Variants in C19orf44 observed in about 807,000 individuals in gnomAD.
C19orf44 encodes the protein chromosome 19 open reading frame 44, also known as uncharacterized protein C19orf44.
A neutral mutation model predicts 50.7 loss-of-function variants in C19orf44; 43 were observed. The observed-to-expected ratio is 0.85, with a 90% CI of 0.66 to 1.09. The LOEUF (loss-of-function observed/expected upper bound fraction) is 1.09, where lower values mean the gene tolerates loss of function less well. C19orf44 is among the 50% of genes least tolerant of loss of function. C19orf44 has a pLI of 0.00. For synonymous variants in C19orf44, 298 were observed against 334.7 expected (o/e 0.89, Z 1.20); for missense variants, 722 against 836.2 (o/e 0.86, Z 1.68).
At chr19:16,510,119 G>A (rs779300586) in intron 5 of C19orf44, 131 bp downstream of exon 5, 10 of 1,445,618 alleles carry the variant, frequency 6.9e-6, no homozygotes, top group Non-Finnish European at 9.5e-6. Context: ...ATCACCTGGA[G>A]GGGTTGGCCA....
intron 8 of C19orf44, 55 bp downstream of exon 8, chr19:16,517,396 C>G: frequency 1.5e-6 from 2 of 1,301,348 alleles, no homozygotes; most frequent in Non-Finnish European, 2.2e-6. Context: ...TAGAGCTCAT[C>G]AGTGTCCAAG....
chr19:16,520,215 C>G lies in C19orf44; in HGVS notation c.*162C>G. ...TGGGGAGTACGACTTGGACCGGGAC[C>G]GCGACTGGGACCGGGAGCGGCTTCT... On this transcript the variant is annotated 3_prime_UTR_variant, in exon 9 of 9. Transcript: ENST00000221671. This position sits in a 1 kb window ranked among gnomAD's most constrained non-coding sequence, Gnocchi z 4.0. The G allele has an allele frequency of 6.2e-7, 1 of 1,613,376 alleles. No individual in the cohort carries two copies. The highest frequency in any genetic ancestry group is 8.5e-7 in the Non-Finnish European group (1 of 1,179,998).
At position 16,503,375 on chromosome 19, in the gene C19orf44, T is replaced by C. The variant is rs1462229090; in HGVS notation, c.1070T>C (p.Leu357Pro). The C allele has an allele frequency of 1.2e-6, 2 of 1,607,800 alleles. No homozygotes were observed. Among genetic ancestry groups the C allele is most frequent in the South Asian group, 2.2e-5 (2 of 90,630 alleles). Reference sequence around the variant, plus strand: ...GTCTCAGAAGGTGCTGATGACAGCCTCGACGGTAATCCCAGTCCCGGTGCA... The same window carrying C: ...GTCTCAGAAGGTGCTGATGACAGCCCCGACGGTAATCCCAGTCCCGGTGCA... ...EPVSEGADDS[L>P]DEFRINILSL... The change falls in exon 3 of 9, where the codon CTC becomes CCC. Residue 357 changes from leucine (L) to proline (P), a missense_variant. Physicochemically the swap from Leu to Pro is moderately conservative, Grantham distance 98. Coordinates refer to ENST00000221671, the MANE Select transcript of C19orf44 (RefSeq NM_032207.4).
Position 16,509,551 on chromosome 19 carries a change from C to T in C19orf44, c.1202C>T (p.Ala401Val), listed in dbSNP as rs757300301. 6.9e-6 allele frequency: 11 copies of T among 1,585,258 alleles called. No homozygotes were observed. Among genetic ancestry groups the T allele is most frequent in the African/African-American group, 2.7e-5 (2 of 73,800 alleles). The change falls in exon 5 of 9, where the codon GCG becomes GTG. Residue 401 changes from alanine to valine, a missense_variant. Ala to Val is a moderately conservative substitution (Grantham distance 64). Transcript: ENST00000221671. ...GCTGGCAAAATCTTCAGAGCCGAGG[C>T]GTCCACTGGGCAGGATGCCCCGAGG... ...KTAGKIFRAE[A>V]STGQDAPRQA...
rs1236602182 is a variant in C19orf44, at chr19:16,519,942, C to G, written c.*41-152C>G. 1 of 666,510 alleles carries G rather than the reference C, an allele frequency of 1.5e-6. No individual in the cohort carries two copies. The highest frequency in any genetic ancestry group is 2.6e-6 in the Non-Finnish European group (1 of 389,502). The allele number at this position is 666,510 out of a possible 1,614,324, so 41.3% of individuals were successfully genotyped here. A position where few individuals can be genotyped will look rare whatever the true frequency, so the allele number is the denominator to read the frequency against. On this transcript the variant is annotated intron_variant, in intron 8 of 8. Transcript: ENST00000221671. This position sits in a 1 kb window ranked among gnomAD's most constrained non-coding sequence, Gnocchi z 6.0. Reference sequence around the variant, plus strand: ...GCATTGAGAGCAGGACACCTCCAACCCAGATGGTGGTTAGAAAGCAGACCC... The same window carrying G: ...GCATTGAGAGCAGGACACCTCCAACGCAGATGGTGGTTAGAAAGCAGACCC...
intron 5 of C19orf44, 88 bp downstream of exon 5, chr19:16,510,076 C>G: frequency 1.9e-6 from 3 of 1,592,608 alleles, no homozygotes; most frequent in Admixed American, 3.4e-5. Flanking sequence ...CGTGGGAGAG[C>G]TCAGGTTCCT....
chr19:16,502,930 C>T (rs921700664), intron 2 of C19orf44, 135 bp from the exon 3 acceptor site: 42 of 739,836 alleles, frequency 5.7e-5, no homozygotes, highest in Non-Finnish European at 8.4e-5. Flanking sequence ...GTCGAGGCTA[C>T]AGTGAGCTAT....
In C19orf44 at chr19:16,513,110, G is replaced by A. The variant is rs2093462501; in HGVS notation, c.1735+1G>A. Reference sequence around the variant, plus strand: ...GTTATCAGTGCAGATGCAATAGAAGGTAACAGCCCGGCTCGGGGGATCCTT... The same window carrying A: ...GTTATCAGTGCAGATGCAATAGAAGATAACAGCCCGGCTCGGGGGATCCTT... On this transcript the variant is annotated splice_donor_variant, in intron 6 of 8. Coordinates refer to ENST00000221671, the MANE Select transcript of C19orf44 (RefSeq NM_032207.4). LOFTEE classifies it high-confidence loss of function. 1 of 1,613,542 alleles carries A rather than the reference G, an allele frequency of 6.2e-7. No individual in the cohort carries two copies. Among genetic ancestry groups the A allele is most frequent in the African/African-American group, 1.3e-5 (1 of 74,914 alleles).
intron 3 of C19orf44, among the ~76,000 whole-genome samples, 178 bp from the exon 4 acceptor site, chr19:16,506,523 G>A (rs756576057): frequency 6.6e-6 from 1 of 152,064 alleles, no homozygotes; most frequent in East Asian, 1.9e-4. Context: ...AACTTGGGAG[G>A]CAGAAGTTGT....
In C19orf44 at chr19:16,519,807, C is replaced by T; in HGVS notation, c.*41-287C>T. The stretch of plus-strand genomic sequence containing the variant: ...GGACCTCACAGCCGCAGCTTGCGTG[C>T]ATGCTCACTGTCACCAGGTGACACC... On this transcript the variant is annotated intron_variant, in intron 8 of 8. Transcript: ENST00000221671. This position sits in a 1 kb window ranked among gnomAD's most constrained non-coding sequence, Gnocchi z 6.0. The T allele has an allele frequency of 2.8e-6, 3 of 1,087,954 alleles. No homozygotes were observed. Among genetic ancestry groups the T allele is most frequent in the Non-Finnish European group, 4.3e-6 (3 of 703,432 alleles). The allele number at this position is 1,087,954 out of a possible 1,614,324, so 67.4% of individuals were successfully genotyped here. A position where few individuals can be genotyped will look rare whatever the true frequency, so the allele number is the denominator to read the frequency against.
chr19:16,516,408 T>C (rs1162895374), intron 7 of C19orf44, among the ~76,000 whole-genome samples: 1 of 150,706 alleles, frequency 6.6e-6, no homozygotes, highest in Admixed American at 6.6e-5. Context: ...AGCGGGACTC[T>C]GTCTCAAACA....
chr19:16,514,446 A>G (rs2093466089), intron 6 of C19orf44, 51 bp from the exon 7 acceptor site: 3 of 1,471,976 alleles, frequency 2.0e-6, no homozygotes, highest in Non-Finnish European at 2.8e-6. Flanking sequence ...GGGGGGCTGC[A>G]GAATTTGTGG....
chr19:16,519,667 T>C lies in C19orf44; in HGVS notation c.*41-427T>C. The C allele has an allele frequency of 6.2e-7, 1 of 1,613,992 alleles. No homozygotes were observed. The highest frequency in any genetic ancestry group is 2.2e-5 in the East Asian group (1 of 44,884). The stretch of plus-strand genomic sequence containing the variant: ...GGCCTTTGTTCTCTTCTCCGAGCCT[T>C]GAGTCAGGGATGGGAGGCGCCGAAT... On this transcript the variant is annotated intron_variant, in intron 8 of 8. Transcript: ENST00000221671. The surrounding 1 kb of genome is among the most constrained non-coding windows in gnomAD (Gnocchi z 6.0).
Position 16,502,964 on chromosome 19 carries a change from GCAACA to G in C19orf44, c.760-100_760-96del, listed in dbSNP as rs1201064281. On this transcript the variant is annotated intron_variant, in intron 2 of 8. Coordinates refer to ENST00000221671, the MANE Select transcript of C19orf44 (RefSeq NM_032207.4). ...ATTGAGCCACTGCCCTCCAGCCTAG[GCAACA>G]GAGTGAGACCCTTTCTCAAAAAAAA... 2.7e-6 allele frequency: 3 copies of G among 1,118,444 alleles called. No individual in the cohort carries two copies. In the Admixed American group the frequency reaches 8.0e-5, roughly 30 times the overall value. The allele number at this position is 1,118,444 out of a possible 1,614,324, so 69.3% of individuals were successfully genotyped here.
At chr19:16,507,907 C>T (rs1164380329) in intron 4 of C19orf44, among the ~76,000 whole-genome samples, 1 of 151,354 alleles carries the variant, frequency 6.6e-6, no homozygotes, top group Non-Finnish European at 1.5e-5. Flanking sequence ...GGGTTCACAC[C>T]ATTCTCCTGC....
At chr19:16,501,670 G>A (rs775218225) in intron 2 of C19orf44, 119 bp downstream of exon 2, 19 of 675,982 alleles carry the variant, frequency 2.8e-5, no homozygotes, top group Middle Eastern at 4.8e-4. Flanking sequence ...TCTGCTCACC[G>A]CAACCTCCAC....
chr19:16,517,299 T>C lies in C19orf44; in HGVS notation c.1972T>C (p.Ter658ArgextTer7). The change falls in exon 8 of 9, where the codon TGA becomes CGA. Residue 658 changes from the stop codon to arginine (R), a stop_lost. Transcript: ENST00000221671. Reference sequence around the variant, plus strand: ...CCTGGAGGAGGTGAACAAGGAGCTGTGAGCGCCAGCAGGTGGAGCTTGACG... The same window carrying C: ...CCTGGAGGAGGTGAACAAGGAGCTGCGAGCGCCAGCAGGTGGAGCTTGACG... ...DALEEVNKEL[*>R] The C allele has an allele frequency of 6.2e-7, 1 of 1,614,050 alleles. No homozygotes were observed.
chr19:16,519,847 C>A lies in C19orf44; in HGVS notation c.*41-247C>A. The A allele has an allele frequency of 1.2e-6, 1 of 812,758 alleles. No individual in the cohort carries two copies. The highest frequency in any genetic ancestry group is 2.1e-6 in the Non-Finnish European group (1 of 477,250). The allele number at this position is 812,758 out of a possible 1,614,324, so 50.3% of individuals were successfully genotyped here. The stretch of plus-strand genomic sequence containing the variant: ...CAGGTGACACCGTATGCAGATTTTG[C>A]GTCTCTACCCGTTTATCCTGTCTCA... On this transcript the variant is annotated intron_variant, in intron 8 of 8. Coordinates refer to ENST00000221671, the MANE Select transcript of C19orf44 (RefSeq NM_032207.4). This position sits in a 1 kb window ranked among gnomAD's most constrained non-coding sequence, Gnocchi z 6.0.
At chr19:16,506,595 A>T in intron 3 of C19orf44, 106 bp from the exon 4 acceptor site, 2 of 820,304 alleles carry the variant, frequency 2.4e-6, no homozygotes, top group East Asian at 6.2e-5. Flanking sequence ...TCTATCTCAA[A>T]AAAAAAAAGA....
Sources: gnomAD v4.1 joint callset for allele counts (sites outside exome capture counted in the v4.1 genomes callset) on GRCh38, gnomAD v4.1.1 for gene constraint, Gnocchi (gnomAD v3.1) non-coding constraint, MANE v1.5 for transcripts, NCBI Gene and HGNC (gene_info 2026-07-23, HGNC 2026-07-21) for gene names.